Variants in CNTLN observed in about 807,000 individuals in gnomAD.
CNTLN encodes the protein centlein.
CNTLN carries 212 observed loss-of-function variants against 180.0 expected under a neutral mutation model. The observed-to-expected ratio is 1.18, with a 90% CI of 1.05 to 1.32. The LOEUF (loss-of-function observed/expected upper bound fraction) is 1.32, where lower values mean the gene tolerates loss of function less well. Ranked by LOEUF, CNTLN falls within the 40% of genes most tolerant of loss-of-function variation. The pLI is 0.00. For missense variants in CNTLN, 2,095 were observed against 1,610.9 expected, an observed-to-expected ratio of 1.30 and a Z score of -5.14; for synonymous variants, 722 against 563.1, an observed-to-expected ratio of 1.28 and a Z score of -3.99.
chr9:17,498,642 T>G (rs1167080345), intron 25 of CNTLN, among the ~76,000 whole-genome samples: 3 of 152,200 alleles, frequency 2.0e-5, no homozygotes, highest in African/African-American at 7.2e-5. Context: ...ATTTTTCTCT[T>G]TATGCTAAAG....
At chr9:17,431,172 G>C (rs1829397800) in intron 18 of CNTLN, among the ~76,000 whole-genome samples, 1 of 152,054 alleles carries the variant, frequency 6.6e-6, no homozygotes. Context: ...TCCATCAATA[G>C]TGTATGAAAA....
chr9:17,497,475 A>G (rs59180058), intron 25 of CNTLN, among the ~76,000 whole-genome samples: 7,523 of 152,240 alleles, frequency 0.049, 476 homozygotes, highest in African/African-American at 0.15. Context: ...GTAAGTTACC[A>G]AGCATCTCCC....
At chr9:17,263,981 C>A (rs1486186833) in intron 5 of CNTLN, among the ~76,000 whole-genome samples, 1 of 144,922 alleles carries the variant, frequency 6.9e-6, no homozygotes, top group Non-Finnish European at 1.5e-5. Flanking sequence ...AATTTTCTCC[C>A]ATTTTGTAGG....
Position 17,342,439 on chromosome 9 carries a change from T to A in CNTLN, c.1881T>A (p.Ile627=). The change falls in exon 12 of 26, where the codon ATT becomes ATA. Residue 627 remains isoleucine, a synonymous_variant. Transcript: ENST00000380647. ...AAAGGGAAAACCAGGAGCTAATGAT[T>A]CAAAAGTGAGTTTCATTTTTAACAA... The part of the protein sequence containing the change: ...YFKRENQELM[I]QKMNLEEELD... The A allele has an allele frequency of 1.3e-6, 2 of 1,596,876 alleles. No homozygotes were observed. The highest frequency in any genetic ancestry group is 1.7e-6 in the Non-Finnish European group (2 of 1,174,828).
At chr9:17,211,747 G>T (rs1198083292) in intron 2 of CNTLN, among the ~76,000 whole-genome samples, 1 of 152,104 alleles carries the variant, frequency 6.6e-6, no homozygotes, top group Non-Finnish European at 1.5e-5. Flanking sequence ...GTGGTTTGTA[G>T]TTCTCCTTGA....
At chr9:17,379,249 C>T (rs752927799) in intron 13 of CNTLN, among the ~76,000 whole-genome samples, 3 of 151,954 alleles carry the variant, frequency 2.0e-5, no homozygotes, top group Admixed American at 6.6e-5. Context: ...TTTCTCTAAT[C>T]CTTTTGGATG....
intron 8 of CNTLN, among the ~76,000 whole-genome samples, chr9:17,322,910 T>G (rs1820015152): frequency 6.6e-6 from 1 of 152,230 alleles, no homozygotes; most frequent in South Asian, 2.1e-4. Flanking sequence ...ACACAAGCTT[T>G]TTTATATTCT....
intron 7 of CNTLN, among the ~76,000 whole-genome samples, chr9:17,306,976 C>G (rs1311142455): frequency 6.6e-6 from 1 of 152,038 alleles, no homozygotes; most frequent in Non-Finnish European, 1.5e-5. Flanking sequence ...TACCCTAAAC[C>G]CAGTTATGAG....
intron 2 of CNTLN, among the ~76,000 whole-genome samples, chr9:17,224,035 A>G (rs1037626401): frequency 6.6e-6 from 1 of 151,934 alleles, no homozygotes; most frequent in African/African-American, 2.4e-5. Flanking sequence ...ATCTCTCCTC[A>G]AATATAATAT....
Position 17,359,737 on chromosome 9 carries a change from A to AC in CNTLN, c.1887-6880_1887-6879insC, listed in dbSNP as rs1422170813. On this transcript the variant is annotated intron_variant, in intron 12 of 25. Coordinates refer to ENST00000380647, the MANE Select transcript of CNTLN (RefSeq NM_017738.4). ...TATACTAAAAATACAAAAAAAAAAA[A>AC]AAAAAAAAAAAAACTAGCTGGGTGT... is the stretch of plus-strand genomic sequence containing the variant. Among the ~76,000 whole-genome samples the AC allele has an allele frequency of 5.5e-4, 65 of 118,322 alleles. 1 individual carries two copies. The highest frequency in any genetic ancestry group is 1.8e-3 in the African/African-American group (59 of 33,574). 77.6% of individuals were successfully genotyped at this position (118,322 alleles called of 152,430 possible).
chr9:17,462,272 G>A lies in CNTLN; in HGVS notation c.3307-644G>A, dbSNP rs145679290. Among the ~76,000 whole-genome samples the A allele has an allele frequency of 4.0e-5, 6 of 151,668 alleles. No individual in the cohort carries two copies. The East Asian group carries it at 7.7e-4, about 20-fold the overall frequency. ...TACAAAATAGCCTCACTCATAGATC[G>A]GACAATTGGTCTACTACCTGTCAGC... On this transcript the variant is annotated intron_variant, in intron 19 of 25. Transcript: ENST00000380647.
chr9:17,169,853 A>T (rs557294102), intron 2 of CNTLN, among the ~76,000 whole-genome samples: 2 of 152,014 alleles, frequency 1.3e-5, no homozygotes, highest in South Asian at 4.2e-4. Flanking sequence ...CTTTGTTCTT[A>T]TTGCTGAAGA....
intron 7 of CNTLN, 89 bp downstream of exon 7, chr9:17,298,441 T>C: frequency 1.5e-6 from 2 of 1,347,522 alleles, no homozygotes; most frequent in South Asian, 4.3e-5. Flanking sequence ...AATTTCAGCA[T>C]TTAATTTTTA....
chr9:17,389,661 A>G (rs76251623), intron 14 of CNTLN, among the ~76,000 whole-genome samples: 2,581 of 152,266 alleles, frequency 0.017, 71 homozygotes, highest in African/African-American at 0.059. Flanking sequence ...AAAAGGTTAT[A>G]TATGAAACTC....
chr9:17,394,935 G>C lies in CNTLN; in HGVS notation c.2481G>C (p.Lys827Asn). The change falls in exon 15 of 26, where the codon AAG (lysine) becomes AAC (asparagine). Residue 827 changes from lysine to asparagine, a missense_variant. Transcript: ENST00000380647. ...ATGATTGTAAGACAACTATGACCAA[G>C]GTTAAATTTAAAGCTGCGAAGAAAA... ...GRYDCKTTMT[K>N]VKFKAAKKNC... The C allele has an allele frequency of 1.2e-6, 2 of 1,614,058 alleles. No homozygotes were observed. Among genetic ancestry groups the C allele is most frequent in the South Asian group, 1.1e-5 (1 of 91,074 alleles).
intron 12 of CNTLN, among the ~76,000 whole-genome samples, chr9:17,348,547 T>G (rs906856969): frequency 4.0e-5 from 6 of 150,496 alleles, no homozygotes; most frequent in African/African-American, 1.5e-4. Flanking sequence ...TTTTTTTTTT[T>G]TGAGACGGAG....
intron 8 of CNTLN, among the ~76,000 whole-genome samples, chr9:17,313,456 A>G (rs2132962352): frequency 6.6e-6 from 1 of 151,618 alleles, no homozygotes; most frequent in South Asian, 2.1e-4. Flanking sequence ...TCTATCCTCT[A>G]GACCCACAGT....
At chr9:17,289,535 C>T (rs1411553120) in intron 6 of CNTLN, among the ~76,000 whole-genome samples, 2 of 137,094 alleles carry the variant, frequency 1.5e-5, no homozygotes, top group Non-Finnish European at 3.0e-5. Context: ...CTCTGTATTT[C>T]CTGAATCTGA....
At chr9:17,441,132 G>A (rs932905919) in intron 18 of CNTLN, among the ~76,000 whole-genome samples, 2 of 152,174 alleles carry the variant, frequency 1.3e-5, no homozygotes, top group Non-Finnish European at 1.5e-5. Flanking sequence ...CTTCAAAAAT[G>A]AAAGTGAAAG....
Sources: allele counts gnomAD v4.1 joint callset (sites outside exome capture counted in the v4.1 genomes callset), GRCh38; gene constraint gnomAD v4.1.1; transcripts MANE v1.5; gene names NCBI Gene and HGNC (gene_info 2026-07-23, HGNC 2026-07-21).